The following VTI1A variants were observed in gnomAD, a reference collection of about 807,000 sequenced individuals.
The protein encoded by VTI1A is vesicle transport through interaction with t-SNAREs 1A, also known as vesicle transport through interaction with t-SNAREs homolog 1A.
A neutral mutation model predicts 34.9 loss-of-function variants in VTI1A; 22 were observed. The observed-to-expected ratio is 0.63, with a 90% CI of 0.45 to 0.90. The LOEUF (loss-of-function observed/expected upper bound fraction) is 0.90, where lower values mean the gene tolerates loss of function less well. Ranked by LOEUF, VTI1A falls within the 40% of genes least tolerant of loss-of-function variation. The pLI, the probability that VTI1A is intolerant of heterozygous loss-of-function variation, is 0.00. For missense variants in VTI1A, 268 were observed against 275.6 expected (o/e 0.97, Z 0.20); for synonymous variants, 87 against 97.3 (o/e 0.89, Z 0.62).
intron 2 of VTI1A, among the ~76,000 whole-genome samples, chr10:112,462,188 CTT>C (rs538518196): frequency 7.4e-4 from 112 of 152,286 alleles, no homozygotes; most frequent in African/African-American, 2.4e-3. Flanking sequence ...GAGAAAAACT[CTT>C]TTGATTTGAC....
At chr10:112,791,666 G>A (rs570170834) in intron 7 of VTI1A, among the ~76,000 whole-genome samples, 13 of 152,150 alleles carry the variant, frequency 8.5e-5, no homozygotes, top group African/African-American at 1.9e-4. Flanking sequence ...GGACTATCTC[G>A]TTGCTTGTTT....
rs191518370 is a variant in VTI1A, at chr10:112,523,067, A to G, written c.265-4020A>G. On this transcript the variant is annotated intron_variant, in intron 3 of 7. Coordinates refer to ENST00000393077, the MANE Select transcript of VTI1A (RefSeq NM_145206.4). ...CATGTAGAATCATACAGGAGGCGGT[A>G]CCACAGATCACAGTTTTTAATTAGT... Among the ~76,000 whole-genome samples, 939 of 152,210 alleles carry G rather than the reference A, an allele frequency of 6.2e-3. 7 individuals are homozygous for G. Among genetic ancestry groups the G allele is most frequent in the Non-Finnish European group, 0.01 (699 of 67,952 alleles).
Position 112,815,542 on chromosome 10 carries a change from T to A in VTI1A, c.*159T>A, listed in dbSNP as rs543902684. The A allele has an allele frequency of 4.8e-6, 3 of 624,984 alleles. No individual in the cohort carries two copies. In the South Asian group the frequency reaches 6.0e-5, roughly 13 times the overall value. 38.7% of individuals were successfully genotyped at this position (624,984 alleles called of 1,614,324 possible). ...AAGTGCAAAGAGTGTAAAAATATTT[T>A]CTATTCCTGTTTGCATGTGGGTTGG... On this transcript the variant is annotated 3_prime_UTR_variant, in exon 8 of 8. Coordinates refer to ENST00000393077, the MANE Select transcript of VTI1A (RefSeq NM_145206.4).
rs140678608 is a variant in VTI1A, at chr10:112,492,501, A to AG, written c.264+27844_264+27845insG. The stretch of plus-strand genomic sequence containing the variant: ...TAGACCAGCTACTTCTTATAAAAAA[A>AG]CAAATTGGCCAGGCACAGTGACTCA... On this transcript the variant is annotated intron_variant, in intron 3 of 7. Transcript: ENST00000393077. 3.9e-3 allele frequency among the ~76,000 whole-genome samples: 587 copies of AG among 152,296 alleles called. 6 individuals are homozygous for AG. Among genetic ancestry groups the AG allele is most frequent in the African/African-American group, 0.013 (561 of 41,574 alleles).
chr10:112,481,110 T>C (rs538361323), intron 3 of VTI1A, among the ~76,000 whole-genome samples: 13 of 152,350 alleles, frequency 8.5e-5, no homozygotes, highest in Non-Finnish European at 1.8e-4. Flanking sequence ...TGAAGCTTTT[T>C]CTTCCATATG....
intron 4 of VTI1A, among the ~76,000 whole-genome samples, chr10:112,527,655 G>A (rs770958306): frequency 3.4e-4 from 51 of 151,626 alleles, no homozygotes; most frequent in Admixed American, 6.6e-4. Context: ...GGAAGCACCA[G>A]TGTGGAACTT....
intron 5 of VTI1A, among the ~76,000 whole-genome samples, chr10:112,606,112 C>T (rs556073679): frequency 2.6e-4 from 40 of 151,230 alleles, no homozygotes; most frequent in Non-Finnish European, 5.2e-4. Context: ...ACAACCTCCT[C>T]CTCCTGGGTT....
chr10:112,585,670 T>C (rs2134413818), intron 5 of VTI1A, among the ~76,000 whole-genome samples: 1 of 150,766 alleles, frequency 6.6e-6, no homozygotes, highest in Admixed American at 6.6e-5. Flanking sequence ...TTTCTTTTTT[T>C]TTTTTTTTTT....
intron 7 of VTI1A, among the ~76,000 whole-genome samples, chr10:112,788,967 C>T (rs147116913): frequency 0.017 from 2,525 of 151,802 alleles, 67 homozygotes; most frequent in African/African-American, 0.058. Flanking sequence ...TCCTTTGTTA[C>T]GTATAGATAT....
the VTI1A span, among the ~76,000 whole-genome samples, chr10:112,852,021 T>G: frequency 1.3e-5 from 2 of 152,196 alleles, no homozygotes; most frequent in Non-Finnish European, 2.9e-5. Flanking sequence ...AAAATGAGAA[T>G]TATATAACCA....
intron 5 of VTI1A, among the ~76,000 whole-genome samples, chr10:112,589,837 T>G (rs909542670): frequency 6.6e-6 from 1 of 152,176 alleles, no homozygotes; most frequent in East Asian, 1.9e-4. Context: ...ATGAGGAAAT[T>G]ATTACTGCAT....
At chr10:112,553,374 T>C (rs1219218466) in intron 5 of VTI1A, among the ~76,000 whole-genome samples, 19 of 152,242 alleles carry the variant, frequency 1.2e-4, no homozygotes, top group Admixed American at 1.2e-3. Context: ...AGATCTTCTA[T>C]ATGGAGGTTG....
rs144306843 is a variant in VTI1A, at chr10:112,558,336, C to T, written c.427+20006C>T. Among the ~76,000 whole-genome samples, 455 of 152,246 alleles carry T rather than the reference C, an allele frequency of 3.0e-3. 4 individuals carry two copies. Among genetic ancestry groups the T allele is most frequent in the African/African-American group, 0.01 (426 of 41,534 alleles). On this transcript the variant is annotated intron_variant, in intron 5 of 7. Transcript: ENST00000393077. ...TTAATTTTTTTAAAAAAAAGTCATGCCCTTTAATAAATAATCATGTAAAAG... is the reference window on the plus strand; with the variant it reads ...TTAATTTTTTTAAAAAAAAGTCATGTCCTTTAATAAATAATCATGTAAAAG...
At chr10:112,694,596 C>G (rs1400960029) in intron 7 of VTI1A, among the ~76,000 whole-genome samples, 1 of 151,658 alleles carries the variant, frequency 6.6e-6, no homozygotes, top group Non-Finnish European at 1.5e-5. Flanking sequence ...TTTTTTACTT[C>G]TAACCTCCTT....
At chr10:112,736,866 A>G in intron 7 of VTI1A, 1 of 821,564 alleles carries the variant, frequency 1.2e-6, no homozygotes, top group South Asian at 1.4e-5. Context: ...ACGGAAAATG[A>G]GTAGTGAGAT....
intron 7 of VTI1A, among the ~76,000 whole-genome samples, chr10:112,809,831 G>T (rs951739293): frequency 3.3e-5 from 5 of 152,292 alleles, no homozygotes; most frequent in Non-Finnish European, 5.9e-5. Flanking sequence ...TTTTACTGGG[G>T]ACTGTAGTCA....
chr10:112,502,922 T>C (rs1350311019), intron 3 of VTI1A, among the ~76,000 whole-genome samples: 1 of 152,230 alleles, frequency 6.6e-6, no homozygotes, highest in Non-Finnish European at 1.5e-5. Flanking sequence ...CTGAATTCCA[T>C]GTTTTTACAT....
At chr10:112,570,928 A>G (rs937155650) in intron 5 of VTI1A, among the ~76,000 whole-genome samples, 2 of 152,236 alleles carry the variant, frequency 1.3e-5, no homozygotes, top group Admixed American at 1.3e-4. Context: ...GTTTACATAG[A>G]TTATTTCATT....
intron 5 of VTI1A, among the ~76,000 whole-genome samples, chr10:112,655,798 G>A (rs572220504): frequency 6.6e-6 from 1 of 152,294 alleles, no homozygotes; most frequent in South Asian, 2.1e-4. Context: ...ATAAGAAGGA[G>A]TTTGACATGA....
Sources: gnomAD v4.1 joint callset for allele counts (sites outside exome capture counted in the v4.1 genomes callset) on GRCh38, gnomAD v4.1.1 for gene constraint, MANE v1.5 for transcripts, NCBI Gene and HGNC (gene_info 2026-07-23, HGNC 2026-07-21) for gene names.